FAP: variants seen among roughly 807,000 people sequenced by gnomAD.
FAP encodes the protein prolyl endopeptidase FAP.
FAP carries 110 observed loss-of-function variants against 126.5 expected under a neutral mutation model. The ratio of observed to expected loss-of-function variants is 0.87; its 90% confidence interval spans 0.74 to 1.02. FAP has a LOEUF of 1.02. Among genes scored for constraint, FAP ranks in the 50% least tolerant of loss-of-function variants. The pLI, the probability that FAP is intolerant of heterozygous loss-of-function variation, is 0.00. For synonymous variants in FAP, 334 were observed against 297.3 expected, an observed-to-expected ratio of 1.12 and a Z score of -1.27; for missense variants, 919 against 909.2, an observed-to-expected ratio of 1.01 and a Z score of -0.14.
chr2:162,216,044 T>G (rs765894775), intron 9 of FAP, 43 bp from the exon 10 acceptor site: 2 of 1,382,158 alleles, frequency 1.4e-6, no homozygotes, highest in South Asian at 2.4e-5. Flanking sequence ...AAATTCCAAT[T>G]ATCACCAACA....
intron 21 of FAP, among the ~76,000 whole-genome samples, chr2:162,179,790 C>CAA (rs1553684066): frequency 0.33 from 38,642 of 115,364 alleles, 6,691 homozygotes; most frequent in Non-Finnish European, 0.44. Context: ...ATCTATCTAT[C>CAA]TATATATATA....
In FAP at chr2:162,173,732, C is replaced by T. The variant is rs2106211008; in HGVS notation, c.2025G>A (p.Glu675=). 3.1e-6 allele frequency: 5 copies of T among 1,598,292 alleles called. No individual in the cohort carries two copies. The South Asian group carries it at 5.5e-5, about 18-fold the overall frequency. Residue 675 remains glutamate (E), a synonymous_variant, in exon 23 of 26, where the codon GAG becomes GAA. Coordinates refer to ENST00000188790, the MANE Select transcript of FAP (RefSeq NM_004460.5). ...AAATGGAAACACTTACCTTATAGTGCTCAAGATTATCATCCTTTGTTGGGA... is the reference window on the plus strand; with the variant it reads ...AAATGGAAACACTTACCTTATAGTGTTCAAGATTATCATCCTTTGTTGGGA... ...MGLPTKDDNL[E]HYKNSTVMAR...
chr2:162,230,771 G>T (rs1196123479), intron 2 of FAP, among the ~76,000 whole-genome samples: 1 of 151,980 alleles, frequency 6.6e-6, no homozygotes, highest in Non-Finnish European at 1.5e-5. Flanking sequence ...CTGGGGGGTG[G>T]GGTCCTGGTA....
intron 21 of FAP, among the ~76,000 whole-genome samples, chr2:162,183,055 T>G (rs1206747594): frequency 6.6e-6 from 1 of 152,164 alleles, no homozygotes; most frequent in Non-Finnish European, 1.5e-5. Flanking sequence ...GTAGCTCCAA[T>G]TTTTATAAAA....
chr2:162,196,517 TC>T lies in FAP; in HGVS notation c.1403-1770del, dbSNP rs1480089203. ...AGTTTCAATAATGGAAACTTGCATA[TC>T]TTTTTTTTTTTTTTTTTGCCTAAAA... On this transcript the variant is annotated intron_variant, in intron 16 of 25. Coordinates refer to ENST00000188790, the MANE Select transcript of FAP (RefSeq NM_004460.5). Among the ~76,000 whole-genome samples the T allele has an allele frequency of 3.4e-3, 502 of 149,084 alleles. 2 individuals are homozygous for T. Among genetic ancestry groups the T allele is most frequent in the African/African-American group, 0.012 (484 of 40,938 alleles).
At chr2:162,223,486 CTAAAAAG>C in intron 6 of FAP, 115 bp downstream of exon 6, 1 of 680,392 alleles carries the variant, frequency 1.5e-6, no homozygotes, top group East Asian at 2.7e-5. Flanking sequence ...TACTGTATTA[CTAAAAAG>C]TAAGAAACAA....
chr2:162,192,647 C>T (rs957030325), intron 17 of FAP, among the ~76,000 whole-genome samples: 5 of 152,132 alleles, frequency 3.3e-5, no homozygotes, highest in Admixed American at 2.0e-4. Context: ...AACTGATCTT[C>T]TGGCATCCAG....
At chr2:162,180,361 A>C (rs1443368107) in intron 21 of FAP, among the ~76,000 whole-genome samples, 1 of 152,152 alleles carries the variant, frequency 6.6e-6, no homozygotes, top group Non-Finnish European at 1.5e-5. Context: ...AATTAGAATA[A>C]ATTGAAGTGC....
At chr2:162,241,095 A>T (rs1690327957) in intron 2 of FAP, among the ~76,000 whole-genome samples, 1 of 152,224 alleles carries the variant, frequency 6.6e-6, no homozygotes, top group African/African-American at 2.4e-5. Context: ...TAGAAGAGAA[A>T]GAGAATGATA....
intron 12 of FAP, among the ~76,000 whole-genome samples, chr2:162,203,457 A>T (rs1419899866): frequency 6.6e-6 from 1 of 152,242 alleles, no homozygotes; most frequent in Non-Finnish European, 1.5e-5. Flanking sequence ...AAAGAATCAC[A>T]AACGCATGTT....
At chr2:162,227,557 T>C (rs1054092001) in intron 2 of FAP, among the ~76,000 whole-genome samples, 6 of 152,156 alleles carry the variant, frequency 3.9e-5, no homozygotes, top group Admixed American at 3.3e-4. Context: ...GAAGATCCTA[T>C]ACCTTGAATG....
chr2:162,177,634 T>C (rs1291043863), intron 21 of FAP, among the ~76,000 whole-genome samples: 2 of 152,202 alleles, frequency 1.3e-5, no homozygotes, highest in African/African-American at 4.8e-5. Context: ...TGTACCAACT[T>C]GCACCATTCC....
Position 162,201,638 on chromosome 2 carries a change from G to C in FAP, c.1224-1019C>G, listed in dbSNP as rs138509423. ...TGTCTCTTTTCTCTCTCTTTTTCCT[G>C]ACAGTCTCCCTTCACCAGTCCTGTT... On this transcript the variant is annotated intron_variant, in intron 14 of 25. Transcript: ENST00000188790. 1.1e-4 allele frequency among the ~76,000 whole-genome samples: 16 copies of C among 152,006 alleles called. No individual in the cohort carries two copies. The East Asian group carries it at 3.1e-3, about 29-fold the overall frequency.
At chr2:162,205,147 T>G (rs149129952) in intron 12 of FAP, among the ~76,000 whole-genome samples, 4,353 of 152,280 alleles carry the variant, frequency 0.029, 86 homozygotes, top group Admixed American at 0.046. Flanking sequence ...TGGTTCTGAG[T>G]GCTGCCTGAT....
chr2:162,216,802 T>TC (rs941192799), intron 9 of FAP, among the ~76,000 whole-genome samples: 1 of 152,178 alleles, frequency 6.6e-6, no homozygotes, highest in African/African-American at 2.4e-5. Flanking sequence ...TCCGTTTCAC[T>TC]CCCAAGTTTA....
At chr2:162,210,165 G>C (rs146038425) in intron 11 of FAP, among the ~76,000 whole-genome samples, 169 bp from the exon 12 acceptor site, 1 of 152,082 alleles carries the variant, frequency 6.6e-6, no homozygotes, top group Non-Finnish European at 1.5e-5. Flanking sequence ...TCATATAACA[G>C]CACTGTTGTA....
intron 2 of FAP, among the ~76,000 whole-genome samples, chr2:162,228,132 G>A (rs181757011): frequency 6.6e-6 from 1 of 152,250 alleles, no homozygotes; most frequent in African/African-American, 2.4e-5. Flanking sequence ...CTAATAAATA[G>A]TTGTTGAACA....
intron 11 of FAP, among the ~76,000 whole-genome samples, chr2:162,211,988 T>C (rs1160338768): frequency 6.6e-6 from 1 of 152,158 alleles, no homozygotes; most frequent in Non-Finnish European, 1.5e-5. Flanking sequence ...TCTCAAAATG[T>C]GTTGCATGTA....
chr2:162,218,755 T>A (rs570903252), intron 8 of FAP, among the ~76,000 whole-genome samples: 208 of 151,532 alleles, frequency 1.4e-3, no homozygotes, highest in African/African-American at 4.7e-3. Flanking sequence ...AAAAAAAAAA[T>A]TTCTAAAGAA....
Sources: allele counts gnomAD v4.1 joint callset (sites outside exome capture counted in the v4.1 genomes callset), GRCh38; gene constraint gnomAD v4.1.1; transcripts MANE v1.5; gene names NCBI Gene and HGNC (gene_info 2026-07-23, HGNC 2026-07-21).